XKR9: variants seen among roughly 807,000 people sequenced by gnomAD.
XKR9 encodes the protein XK-related protein 9.
XKR9 carries 32 observed loss-of-function variants against 32.0 expected under a neutral mutation model. That is an observed-to-expected ratio of 1.00 (90% CI 0.76 to 1.34). XKR9 has a LOEUF of 1.34. Ranked by LOEUF, XKR9 falls within the 40% of genes most tolerant of loss-of-function variation. The pLI is 0.00. For synonymous variants in XKR9, 168 were observed against 143.4 expected, an observed-to-expected ratio of 1.17 and a Z score of -1.22; for missense variants, 546 against 429.7, an observed-to-expected ratio of 1.27 and a Z score of -2.39.
chr8:70,890,084 G>T, the XKR9 span, among the ~76,000 whole-genome samples: 1 of 151,780 alleles, frequency 6.6e-6, no homozygotes, highest in African/African-American at 2.4e-5. Context: ...ACCAGTATCT[G>T]TTGTTTTTTG....
At chr8:70,759,700 T>G (rs993389631) in intron 2 of XKR9, among the ~76,000 whole-genome samples, 28 of 152,210 alleles carry the variant, frequency 1.8e-4, no homozygotes, top group Admixed American at 1.0e-3. Flanking sequence ...GTATTGGTAT[T>G]TGCTGTGACA....
the XKR9 span, among the ~76,000 whole-genome samples, chr8:70,835,307 C>G: frequency 1.3e-5 from 2 of 152,070 alleles, no homozygotes; most frequent in Non-Finnish European, 2.9e-5. Flanking sequence ...AAAGCTCCTT[C>G]CACTAAGAAT....
intron 2 of XKR9, among the ~76,000 whole-genome samples, chr8:70,766,722 T>C (rs1482623460): frequency 6.6e-6 from 1 of 152,192 alleles, no homozygotes; most frequent in African/African-American, 2.4e-5. Flanking sequence ...AGTATGATAT[T>C]GGCTGTGGGT....
At chr8:70,821,593 A>G in the XKR9 span, among the ~76,000 whole-genome samples, 4 of 152,158 alleles carry the variant, frequency 2.6e-5, no homozygotes, top group African/African-American at 4.8e-5. Context: ...AGGCATTTCC[A>G]TCCATCCTCT....
At chr8:70,708,006 G>A (rs779301913) in intron 4 of XKR9, among the ~76,000 whole-genome samples, 120 of 151,948 alleles carry the variant, frequency 7.9e-4, no homozygotes, top group Non-Finnish European at 1.1e-3. Context: ...TGGAGTTCTT[G>A]CTGTCCTAGA....
At chr8:70,795,105 T>C (rs1350639992), downstream of XKR9, among the ~76,000 whole-genome samples, 1 of 152,052 alleles carries the variant, frequency 6.6e-6, no homozygotes, top group Non-Finnish European at 1.5e-5. Context: ...CCATTAGTTA[T>C]TTCTCCTGAT....
the XKR9 span, among the ~76,000 whole-genome samples, chr8:70,802,812 C>A: frequency 6.6e-6 from 1 of 152,252 alleles, no homozygotes; most frequent in Non-Finnish European, 1.5e-5. Context: ...AGGGTTTCTG[C>A]TAAAGCTCTG....
the XKR9 span, among the ~76,000 whole-genome samples, chr8:70,819,006 T>C: frequency 6.6e-6 from 1 of 152,210 alleles, no homozygotes; most frequent in African/African-American, 2.4e-5. Context: ...AGTAATCCTT[T>C]AGAGCAAGGT....
chr8:70,962,405 TTA>T, the XKR9 span, among the ~76,000 whole-genome samples: 1 of 152,108 alleles, frequency 6.6e-6, no homozygotes. Flanking sequence ...ATTCCTATGT[TTA>T]TGTCTATGAA....
At chr8:70,844,987 C>T in the XKR9 span, among the ~76,000 whole-genome samples, 1 of 152,202 alleles carries the variant, frequency 6.6e-6, no homozygotes, top group Non-Finnish European at 1.5e-5. Flanking sequence ...AATCAGCTCA[C>T]TTGTGTCTGG....
At chr8:70,847,425 A>C in the XKR9 span, among the ~76,000 whole-genome samples, 1 of 152,004 alleles carries the variant, frequency 6.6e-6, no homozygotes, top group African/African-American at 2.4e-5. Context: ...GCCCCAAAGA[A>C]CTAGAAAAGC....
chr8:70,773,768 A>G (rs182457320), intron 2 of XKR9, among the ~76,000 whole-genome samples: 6 of 152,332 alleles, frequency 3.9e-5, no homozygotes, highest in African/African-American at 1.4e-4. Flanking sequence ...TTGGAATCAA[A>G]GTCCAGGGTG....
chr8:70,965,379 T>C, the XKR9 span, among the ~76,000 whole-genome samples: 1 of 152,200 alleles, frequency 6.6e-6, no homozygotes, highest in Non-Finnish European at 1.5e-5. Context: ...TTTGCGTTGA[T>C]GTTTATCAGA....
the XKR9 span, among the ~76,000 whole-genome samples, chr8:70,931,978 G>C: frequency 9.2e-5 from 14 of 152,200 alleles, no homozygotes; most frequent in East Asian, 2.3e-3. Context: ...ATATCAGGTA[G>C]GTAGGTAGGT....
chr8:71,061,315 T>C, the XKR9 span, among the ~76,000 whole-genome samples: 1 of 152,120 alleles, frequency 6.6e-6, no homozygotes, highest in Non-Finnish European at 1.5e-5. Context: ...TATCATGACA[T>C]ACGGGCCTTC....
intron 2 of XKR9, among the ~76,000 whole-genome samples, chr8:70,781,601 T>C (rs1181004593): frequency 6.6e-6 from 1 of 152,084 alleles, no homozygotes; most frequent in Non-Finnish European, 1.5e-5. Context: ...CAGCATTTGT[T>C]ATTTTTTGTC....
intron 2 of XKR9, among the ~76,000 whole-genome samples, chr8:70,752,627 C>A (rs1041869437): frequency 2.6e-5 from 4 of 152,256 alleles, no homozygotes; most frequent in African/African-American, 7.2e-5. Context: ...GAGGACCATG[C>A]GTCCACATGA....
chr8:71,008,819 C>G, the XKR9 span, among the ~76,000 whole-genome samples: 43 of 152,022 alleles, frequency 2.8e-4, no homozygotes, highest in Middle Eastern at 3.4e-3. Context: ...CACCTGAGTG[C>G]CACCACACCT....
At chr8:70,690,446 G>A (rs1819473331) in intron 3 of XKR9, among the ~76,000 whole-genome samples, 2 of 151,448 alleles carry the variant, frequency 1.3e-5, no homozygotes, top group South Asian at 4.2e-4. Context: ...TCTTTCTCCT[G>A]CCTCAGTCTC....
Sources: gnomAD v4.1 joint callset for allele counts (sites outside exome capture counted in the v4.1 genomes callset) on GRCh38, gnomAD v4.1.1 for gene constraint, MANE v1.5 for transcripts, NCBI Gene and HGNC (gene_info 2026-07-23, HGNC 2026-07-21) for gene names.